The following KIF13A variants were observed in gnomAD, a reference collection of about 807,000 sequenced individuals.
The protein encoded by KIF13A is kinesin family member 13A.
KIF13A carries 79 observed loss-of-function variants against 212.2 expected under a neutral mutation model. The ratio of observed to expected loss-of-function variants is 0.37; its 90% CI spans 0.31 to 0.45. The LOEUF (loss-of-function observed/expected upper bound fraction) is 0.45, where lower values mean the gene tolerates loss of function less well. KIF13A is among the 20% of genes least tolerant of loss of function. The pLI, the probability that KIF13A is intolerant of heterozygous loss-of-function variation, is 1.00. For synonymous variants in KIF13A, 789 were observed against 808.6 expected (o/e 0.98, Z 0.41); for missense variants, 1,901 against 2,209.0 (o/e 0.86, Z 2.79).
At chr6:17,845,599 G>T (rs1766947824) in intron 9 of KIF13A, among the ~76,000 whole-genome samples, 1 of 152,196 alleles carries the variant, frequency 6.6e-6, no homozygotes, top group East Asian at 1.9e-4. Flanking sequence ...CAGTGTCTGG[G>T]GGTATTAGAG....
At chr6:17,848,349 T>C (rs750184685) in intron 9 of KIF13A, among the ~76,000 whole-genome samples, 7 of 152,078 alleles carry the variant, frequency 4.6e-5, no homozygotes, top group Non-Finnish European at 1.0e-4. Context: ...CTAGAACTTA[T>C]TCCTCCAATT....
Position 17,968,078 on chromosome 6 carries a change from A to G in KIF13A, c.146+18976T>C, listed in dbSNP as rs1779481123. On this transcript the variant is annotated intron_variant, in intron 2 of 38. Transcript: ENST00000259711. This position sits in a 1 kb window ranked among gnomAD's most constrained non-coding sequence, Gnocchi z 4.7. ...CCCTGGGGGACTGACAAACGTAGGCATATTATTTGACATGTGTGCTGCAGT... is the reference window on the plus strand; with the variant it reads ...CCCTGGGGGACTGACAAACGTAGGCGTATTATTTGACATGTGTGCTGCAGT... Among the ~76,000 whole-genome samples the G allele has an allele frequency of 1.3e-5, 2 of 152,198 alleles. No individual in the cohort carries two copies. Among genetic ancestry groups the G allele is most frequent in the Non-Finnish European group, 2.9e-5 (2 of 68,036 alleles).
At chr6:17,945,474 G>T (rs754259430) in intron 2 of KIF13A, among the ~76,000 whole-genome samples, 28 of 152,000 alleles carry the variant, frequency 1.8e-4, no homozygotes, top group Non-Finnish European at 3.1e-4. Context: ...AAAAATGCAT[G>T]CATCATATTA....
chr6:17,971,395 A>C lies in KIF13A; in HGVS notation c.146+15659T>G, dbSNP rs552647223. 4.6e-5 allele frequency among the ~76,000 whole-genome samples: 7 copies of C among 152,178 alleles called. No individual in the cohort carries two copies. The highest frequency in any genetic ancestry group is 1.0e-4 in the Non-Finnish European group (7 of 68,032). The stretch of plus-strand genomic sequence containing the variant: ...GTTAAGCTGACCTCTATTTTATAAT[A>C]AAATATTAAAATTTAGTAGCGGTTT... On this transcript the variant is annotated intron_variant, in intron 2 of 38. Transcript: ENST00000259711. This position sits in a 1 kb window ranked among gnomAD's most constrained non-coding sequence, Gnocchi z 4.2.
At position 17,764,515 on chromosome 6, in the gene KIF13A, T is replaced by G; in HGVS notation, c.5013A>C (p.Glu1671Asp). 6.2e-7 allele frequency: 1 copy of G among 1,614,018 alleles called. No homozygotes were observed. The stretch of plus-strand genomic sequence containing the variant: ...GGCTCCCTTTGGCTAAGGCACTGTT[T>G]TCCTTGAGTGGCACCACAATTATCT... ...KDKIIVVPLK[E>D]NSALAKGSPS... Residue 1671 changes from glutamate (E) to aspartate (D), a missense_variant, in exon 39 of 39, where the codon GAA (glutamate) becomes GAC (aspartate). This residue lies in a region of KIF13A where 687 missense variants were observed against 759.1 expected (regional missense o/e 0.90). Transcript: ENST00000259711. This position sits in a 1 kb window ranked among gnomAD's most constrained non-coding sequence, Gnocchi z 5.1.
Position 17,771,522 on chromosome 6 carries a change from T to C in KIF13A, c.4477-304A>G, listed in dbSNP as rs892845058. Reference sequence around the variant, plus strand: ...CAAAAGAATCACTTGAGGCCAGGAGTTTCAGACCAGCCTGGGCAACACAGC... The same window carrying C: ...CAAAAGAATCACTTGAGGCCAGGAGCTTCAGACCAGCCTGGGCAACACAGC... On this transcript the variant is annotated intron_variant, in intron 37 of 38. Coordinates refer to ENST00000259711, the MANE Select transcript of KIF13A (RefSeq NM_022113.6). The surrounding 1 kb of genome is among the most constrained non-coding windows in gnomAD (Gnocchi z 5.4). 4 of 394,698 alleles carry C rather than the reference T, an allele frequency of 1.0e-5. No individual in the cohort carries two copies. The highest frequency in any genetic ancestry group is 1.8e-5 in the Non-Finnish European group (4 of 221,224). The allele number at this position is 394,698 out of a possible 1,614,324, so 24.4% of individuals were successfully genotyped here. A position where few individuals can be genotyped will look rare whatever the true frequency, so the allele number is the denominator to read the frequency against.
intron 38 of KIF13A, 116 bp downstream of exon 38, chr6:17,770,998 C>T (rs1759443628): frequency 2.9e-6 from 2 of 679,610 alleles, no homozygotes; most frequent in African/African-American, 1.8e-5. Flanking sequence ...TTTTTATTTT[C>T]TTTAAGACAA....
At chr6:17,805,352 G>T in intron 19 of KIF13A, 123 bp downstream of exon 19, 1 of 847,422 alleles carries the variant, frequency 1.2e-6, no homozygotes, top group Admixed American at 2.6e-5. Context: ...AATATCTAAC[G>T]TATCATGAGC....
chr6:17,779,248 TATATATATA>T (rs1437464536), intron 32 of KIF13A, 149 bp from the exon 33 acceptor site: 19 of 12,792 alleles, frequency 1.5e-3, no homozygotes, highest in South Asian at 2.9e-3. Flanking sequence ...TATATATATA[TATATATATA>T]TTTTTTTTTT....
chr6:17,979,408 AAG>A (rs968624381), intron 2 of KIF13A, among the ~76,000 whole-genome samples: 3 of 152,236 alleles, frequency 2.0e-5, no homozygotes, highest in Non-Finnish European at 4.4e-5. Context: ...TCTTAAGAAA[AAG>A]AAAATTATTG....
chr6:17,805,586 G>C lies in KIF13A; in HGVS notation c.2193C>G (p.Ile731Met). 6.2e-7 allele frequency: 1 copy of C among 1,610,756 alleles called. No homozygotes were observed. Among genetic ancestry groups the C allele is most frequent in the Non-Finnish European group, 8.5e-7 (1 of 1,178,068 alleles). Residue 731 changes from isoleucine (I) to methionine (M), a missense_variant, in exon 19 of 39, where the codon ATC becomes ATG. By Grantham distance (10) the Ile-to-Met change is conservative. Around this residue, in one of 5 missense-constraint regions of KIF13A, gnomAD observed 534 missense variants for 536.9 expected, o/e 0.99. Coordinates refer to ENST00000259711, the MANE Select transcript of KIF13A (RefSeq NM_022113.6). Reference sequence around the variant, plus strand: ...TGCTCTTTCCTTTCCTCCTCACTTGGATAGCTGGTTCACTCACTATTGCAC... The same window carrying C: ...TGCTCTTTCCTTTCCTCCTCACTTGCATAGCTGGTTCACTCACTATTGCAC... ...KRGAIVSEPA[I>M]QVRRKGKSTQ...
In KIF13A at chr6:17,856,560, A is replaced by C. The variant is rs565501264; in HGVS notation, c.221-438T>G. Among the ~76,000 whole-genome samples the C allele has an allele frequency of 6.6e-6, 1 of 152,320 alleles. No homozygotes were observed. The highest frequency in any genetic ancestry group is 1.9e-4 in the East Asian group (1 of 5,182). On this transcript the variant is annotated intron_variant, in intron 4 of 38. Transcript: ENST00000259711. This position sits in a 1 kb window ranked among gnomAD's most constrained non-coding sequence, Gnocchi z 4.5. ...CTAGCTTGGTGTTTTGTACATGCCA[A>C]GTGCTAAAAACCGTTAGTTGCTGAG... is the stretch of plus-strand genomic sequence containing the variant.
rs4716184 is a variant in KIF13A, at chr6:17,780,554, T to C, written c.3846+176A>G. On this transcript the variant is annotated intron_variant, in intron 31 of 38. Coordinates refer to ENST00000259711, the MANE Select transcript of KIF13A (RefSeq NM_022113.6). ...GTGAAACTGCCCTTACTGGATGACA[T>C]TGACCTCTGCTATCCTAATGCCCAC... is the stretch of plus-strand genomic sequence containing the variant. Among the ~76,000 whole-genome samples, 75,799 of 152,010 alleles carry C rather than the reference T, an allele frequency of 0.5. 19,435 individuals are homozygous for C. The highest frequency in any genetic ancestry group is 0.61 in the African/African-American group (25,348 of 41,458).
At chr6:17,965,937 T>G (rs561333673) in intron 2 of KIF13A, among the ~76,000 whole-genome samples, 2 of 152,244 alleles carry the variant, frequency 1.3e-5, no homozygotes, top group South Asian at 4.1e-4. Context: ...GCACTTTGGG[T>G]GGCTGAGGCA....
chr6:17,973,536 C>T (rs931473057), intron 2 of KIF13A, among the ~76,000 whole-genome samples: 1 of 152,200 alleles, frequency 6.6e-6, no homozygotes, highest in Non-Finnish European at 1.5e-5. Context: ...CAATGTATTT[C>T]AGCTCCTATA....
At chr6:17,948,657 G>T (rs1471309818) in intron 2 of KIF13A, among the ~76,000 whole-genome samples, 1 of 146,574 alleles carries the variant, frequency 6.8e-6, no homozygotes, top group African/African-American at 2.6e-5. Flanking sequence ...CTGCCTCCAG[G>T]TTCAAGCGAT....
chr6:17,911,800 TG>T (rs1160760417), intron 2 of KIF13A, among the ~76,000 whole-genome samples: 7 of 150,822 alleles, frequency 4.6e-5, no homozygotes, highest in Admixed American at 2.0e-4. Context: ...ATTCTCACTA[TG>T]TAGCCCAAGC....
chr6:17,809,328 T>C lies in KIF13A; in HGVS notation c.2001-398A>G, dbSNP rs564326317. Among the ~76,000 whole-genome samples the C allele has an allele frequency of 6.6e-6, 1 of 152,190 alleles. No homozygotes were observed. The highest frequency in any genetic ancestry group is 1.9e-4 in the East Asian group (1 of 5,174). On this transcript the variant is annotated intron_variant, in intron 17 of 38. Coordinates refer to ENST00000259711, the MANE Select transcript of KIF13A (RefSeq NM_022113.6). This position sits in a 1 kb window ranked among gnomAD's most constrained non-coding sequence, Gnocchi z 4.7. ...AGAAACCTGGAGTTAGGAGAAGAAA[T>C]TATTTTTCATGACTTCTGCAGTTGG...
Position 17,982,445 on chromosome 6 carries a change from C to CT in KIF13A, c.146+4608_146+4609insA, listed in dbSNP as rs1464752631. The CT allele has an allele frequency of 4.1e-6, 4 of 984,318 alleles. No homozygotes were observed. The East Asian group carries it at 4.5e-4, about 112-fold the overall frequency. 61.0% of individuals were successfully genotyped at this position (984,318 alleles called of 1,614,324 possible). The stretch of plus-strand genomic sequence containing the variant: ...ATTTCAGATGTTCAGACAGGGATAC[C>CT]GCTGGTGAATAAACTAAAAAATACA... On this transcript the variant is annotated intron_variant, in intron 2 of 38. Transcript: ENST00000259711. The surrounding 1 kb of genome is among the most constrained non-coding windows in gnomAD (Gnocchi z 5.1).
Sources: allele counts gnomAD v4.1 joint callset (sites outside exome capture counted in the v4.1 genomes callset), GRCh38; gene constraint gnomAD v4.1.1; regional missense constraint gnomAD v4.1.1; non-coding constraint Gnocchi (gnomAD v3.1); transcripts MANE v1.5; gene names NCBI Gene and HGNC (gene_info 2026-07-23, HGNC 2026-07-21).